The following KCNH1 variants were observed in gnomAD, a reference collection of about 807,000 sequenced individuals.
The protein encoded by KCNH1 is voltage-gated delayed rectifier potassium channel KCNH1.
A neutral mutation model predicts 69.2 loss-of-function variants in KCNH1; 27 were observed. That is an observed-to-expected ratio of 0.39 (90% CI 0.29 to 0.54). The LOEUF (loss-of-function observed/expected upper bound fraction) is 0.54. Among genes scored for constraint, KCNH1 ranks in the 20% least tolerant of loss-of-function variants. The pLI is 0.68. For synonymous variants in KCNH1, 456 were observed against 487.7 expected (o/e 0.93, Z 0.86); for missense variants, 798 against 1,261.6 (o/e 0.63, Z 5.57).
chr1:210,707,061 G>A (rs189663888), intron 10 of KCNH1, among the ~76,000 whole-genome samples: 1 of 151,082 alleles, frequency 6.6e-6, no homozygotes, highest in African/African-American at 2.5e-5. Flanking sequence ...GTATGTGTGT[G>A]TGTGTGCGCG....
intron 4 of KCNH1, among the ~76,000 whole-genome samples, chr1:211,086,980 C>T (rs1690963528): frequency 6.6e-6 from 1 of 152,064 alleles, no homozygotes; most frequent in Non-Finnish European, 1.5e-5. Flanking sequence ...TATAAAGAAC[C>T]AAAAATCTAG....
Position 210,775,510 on chromosome 1 carries a change from C to T in KCNH1, c.1950G>A (p.Lys650=). The change falls in exon 10 of 11, where the codon AAG becomes AAA. Residue 650 remains lysine, a synonymous_variant. Coordinates refer to ENST00000271751, the MANE Select transcript of KCNH1 (RefSeq NM_172362.3). ...KGDVFGDVFW[K]EATLAQSCAN... is the part of the protein sequence containing the mutation. Reference sequence around the variant, plus strand: ...CACAGGACTGGGCAAGGGTGGCTTCCTTCCAGAACACATCTCCAAACACGT... The same window carrying T: ...CACAGGACTGGGCAAGGGTGGCTTCTTTCCAGAACACATCTCCAAACACGT... 6.2e-7 allele frequency: 1 copy of T among 1,613,982 alleles called. No homozygotes were observed. The highest frequency in any genetic ancestry group is 2.2e-5 in the East Asian group (1 of 44,884).
intron 10 of KCNH1, among the ~76,000 whole-genome samples, chr1:210,734,231 A>AC (rs1682816345): frequency 1.3e-5 from 2 of 152,188 alleles, no homozygotes; most frequent in Admixed American, 6.5e-5. Context: ...GATTTCATGA[A>AC]AGGATTTCCT....
Position 210,683,501 on chromosome 1 carries a change from A to T in KCNH1, c.2750T>A (p.Ile917Asn). The change falls in exon 11 of 11, where the codon ATC becomes AAC. Residue 917 changes from isoleucine (I) to asparagine (N), a missense_variant. Ile to Asn is a moderately radical substitution (Grantham distance 149). Coordinates refer to ENST00000271751, the MANE Select transcript of KCNH1 (RefSeq NM_172362.3). This position sits in a 1 kb window ranked among gnomAD's most constrained non-coding sequence, Gnocchi z 5.7. ...LAEVKHSFYP[I>N]PEQTLQATVL... ...TGTGGCCTGCAGCGTCTGCTCAGGG[A>T]TGGGGTAGAACGAATGCTTGACCTC... The T allele has an allele frequency of 6.2e-7, 1 of 1,613,936 alleles. No individual in the cohort carries two copies. The highest frequency in any genetic ancestry group is 8.5e-7 in the Non-Finnish European group (1 of 1,179,960).
chr1:210,691,714 G>A (rs1016052223), intron 10 of KCNH1, among the ~76,000 whole-genome samples: 1 of 152,228 alleles, frequency 6.6e-6, no homozygotes, highest in Non-Finnish European at 1.5e-5. Flanking sequence ...CCAAGAAACC[G>A]AGATTCCCAG....
intron 7 of KCNH1, among the ~76,000 whole-genome samples, chr1:210,837,450 C>T (rs1332961014): frequency 2.6e-5 from 4 of 152,072 alleles, no homozygotes; most frequent in Admixed American, 6.6e-5. Flanking sequence ...GTACCTGGCA[C>T]ATAATAGGGA....
At chr1:211,116,649 A>G (rs1293987347) in intron 1 of KCNH1, among the ~76,000 whole-genome samples, 1 of 152,168 alleles carries the variant, frequency 6.6e-6, no homozygotes, top group Admixed American at 6.5e-5. Context: ...AGCAAGAGGA[A>G]TCACTCTGTT....
intron 7 of KCNH1, among the ~76,000 whole-genome samples, chr1:210,815,512 A>G (rs377383265): frequency 1.2e-4 from 19 of 152,188 alleles, no homozygotes; most frequent in African/African-American, 4.3e-4. Flanking sequence ...TTTCTAAGAG[A>G]TGGTTTAATT....
intron 5 of KCNH1, among the ~76,000 whole-genome samples, chr1:211,078,448 C>T (rs906187933): frequency 6.6e-6 from 1 of 152,190 alleles, no homozygotes; most frequent in Admixed American, 6.5e-5. Flanking sequence ...CAAACTAGAA[C>T]TCAGGATTAA....
intron 6 of KCNH1, among the ~76,000 whole-genome samples, chr1:210,969,141 T>C (rs1489913485): frequency 1.3e-5 from 2 of 152,104 alleles, no homozygotes; most frequent in South Asian, 2.1e-4. Context: ...CACATTACCT[T>C]TTCTGTACAT....
At chr1:210,753,886 T>C (rs1009084420) in intron 10 of KCNH1, among the ~76,000 whole-genome samples, 1 of 151,952 alleles carries the variant, frequency 6.6e-6, no homozygotes, top group Non-Finnish European at 1.5e-5. Flanking sequence ...TGTAGGGTTT[T>C]CAAGCTTACA....
chr1:210,989,671 T>C (rs779487095), intron 6 of KCNH1, among the ~76,000 whole-genome samples: 25 of 152,184 alleles, frequency 1.6e-4, no homozygotes, highest in Non-Finnish European at 3.2e-4. Flanking sequence ...GTGTAGCACT[T>C]CAAGAGATTT....
At chr1:210,994,408 T>C (rs1289350241) in intron 6 of KCNH1, among the ~76,000 whole-genome samples, 1 of 152,152 alleles carries the variant, frequency 6.6e-6, no homozygotes, top group Non-Finnish European at 1.5e-5. Context: ...TCATAATTAA[T>C]CATGTAAGAA....
chr1:211,082,694 G>T, intron 5 of KCNH1, 86 bp downstream of exon 5: 1 of 1,061,000 alleles, frequency 9.4e-7, no homozygotes, highest in Non-Finnish European at 1.4e-6. Context: ...TCCTCTCCAT[G>T]ATTAGCACAC....
chr1:211,059,029 C>T (rs113968327), intron 5 of KCNH1, among the ~76,000 whole-genome samples: 7,343 of 152,092 alleles, frequency 0.048, 270 homozygotes, highest in Non-Finnish European at 0.07. Flanking sequence ...GCCTGTAATC[C>T]CAGCACTTTG....
intron 6 of KCNH1, among the ~76,000 whole-genome samples, chr1:210,986,264 G>C (rs186103800): frequency 6.6e-6 from 1 of 152,280 alleles, no homozygotes; most frequent in East Asian, 1.9e-4. Flanking sequence ...CTTTTAATTG[G>C]AGCATTTAGC....
intron 1 of KCNH1, among the ~76,000 whole-genome samples, chr1:211,109,357 A>G (rs1387183449): frequency 6.6e-6 from 1 of 152,178 alleles, no homozygotes; most frequent in Non-Finnish European, 1.5e-5. Context: ...GAGAGCTTTG[A>G]TTTTATCGTA....
chr1:210,860,231 C>T (rs1169189703), intron 7 of KCNH1: 1 of 1,463,874 alleles, frequency 6.8e-7, no homozygotes, highest in African/African-American at 1.4e-5. Context: ...TCAAAGCCAT[C>T]TTGCTGAAAG....
chr1:211,018,894 A>G lies in KCNH1; in HGVS notation c.921T>C (p.Asp307=), dbSNP rs1224829558. 1.2e-6 allele frequency: 2 copies of G among 1,613,980 alleles called. No individual in the cohort carries two copies. Among genetic ancestry groups the G allele is most frequent in the East Asian group, 2.2e-5 (1 of 44,888 alleles). ...CCACGTTCTCAAAAGCGTTGATGAC[A>G]TCATATGGCAAACAGGACAGAAGGT... is the stretch of plus-strand genomic sequence containing the variant. ...VIDLLSCLPY[D]VINAFENVDE... The change falls in exon 6 of 11, where the codon GAT becomes GAC. Residue 307 remains aspartate, a synonymous_variant. Coordinates refer to ENST00000271751, the MANE Select transcript of KCNH1 (RefSeq NM_172362.3).
Sources: gnomAD v4.1 joint callset for allele counts (sites outside exome capture counted in the v4.1 genomes callset) on GRCh38, gnomAD v4.1.1 for gene constraint, Gnocchi (gnomAD v3.1) non-coding constraint, MANE v1.5 for transcripts, NCBI Gene and HGNC (gene_info 2026-07-23, HGNC 2026-07-21) for gene names.